The following VPS29 variants were observed in gnomAD, a reference collection of about 807,000 sequenced individuals.
The protein encoded by VPS29 is VPS29 retromer complex component, also known as vacuolar protein sorting-associated protein 29.
In VPS29, 2 loss-of-function variants were observed where a neutral mutation model predicts 20.0. The ratio of observed to expected loss-of-function variants is 0.10; its 90% CI spans 0.04 to 0.31. VPS29 has a LOEUF of 0.31. Ranked by LOEUF, VPS29 falls within the 10% of genes least tolerant of loss-of-function variation. VPS29 has a pLI of 1.00. For synonymous variants in VPS29, 81 were observed against 79.3 expected (o/e 1.02, Z -0.12); for missense variants, 120 against 215.3 (o/e 0.56, Z 2.77).
chr12:110,497,891 C>G (rs764140367), intron 1 of VPS29, among the ~76,000 whole-genome samples: 2 of 151,670 alleles, frequency 1.3e-5, no homozygotes, highest in Admixed American at 6.6e-5. Flanking sequence ...GCACTCCAGC[C>G]TGGGCAGCAG....
At chr12:110,501,845 G>T in intron 1 of VPS29, 2 of 1,328,758 alleles carry the variant, frequency 1.5e-6, no homozygotes, top group East Asian at 2.5e-5. Flanking sequence ...GCCGGGATAC[G>T]AGACCTAGGC....
intron 1 of VPS29, chr12:110,498,876 T>G: frequency 2.0e-6 from 2 of 976,856 alleles, no homozygotes; most frequent in South Asian, 9.5e-5. Flanking sequence ...TGGATTGAAG[T>G]ACATAGTTAG....
At position 110,491,394 on chromosome 12, in the gene VPS29, A is replaced by G. The variant is rs2062816050; in HGVS notation, c.*611T>C. The G allele has an allele frequency of 6.6e-6, 1 of 152,248 alleles. No individual in the cohort carries two copies. The highest frequency in any genetic ancestry group is 2.4e-5 in the African/African-American group (1 of 41,414). The allele number at this position is 152,248 out of a possible 1,614,324, so 9.4% of individuals were successfully genotyped here. Reference sequence around the variant, plus strand: ...GCCCGGCCCCTAAACTTGTATTTTTAAAACTTTTATTAAACCTTGAAAAAT... The same window carrying G: ...GCCCGGCCCCTAAACTTGTATTTTTGAAACTTTTATTAAACCTTGAAAAAT... On this transcript the variant is annotated 3_prime_UTR_variant, in exon 4 of 4. Transcript: ENST00000549578.
intron 2 of VPS29, among the ~76,000 whole-genome samples, chr12:110,493,593 C>A (rs1592991108): frequency 6.6e-6 from 1 of 152,116 alleles, no homozygotes; most frequent in East Asian, 1.9e-4. Flanking sequence ...AACTCCTAAC[C>A]TCAAATGATC....
intron 1 of VPS29, chr12:110,501,332 C>A: frequency 1.3e-6 from 2 of 1,516,322 alleles, no homozygotes; most frequent in Non-Finnish European, 8.8e-7. Flanking sequence ...GTCTCCAACA[C>A]CGGCACTCTC....
At position 110,491,844 on chromosome 12, in the gene VPS29, C is replaced by A. The variant is rs556739475; in HGVS notation, c.*161G>T. The stretch of plus-strand genomic sequence containing the variant: ...AAACTAAATATATTCTTATAGTTTA[C>A]AGGAAGCTTGGAGCAATTATGTATT... On this transcript the variant is annotated 3_prime_UTR_variant, in exon 4 of 4. Transcript: ENST00000549578. 1.5e-4 allele frequency: 88 copies of A among 605,498 alleles called. 1 individual carries two copies. In the South Asian group the frequency reaches 1.7e-3, roughly 12 times the overall value. 37.5% of individuals were successfully genotyped at this position (605,498 alleles called of 1,614,324 possible). A position where few individuals can be genotyped will look rare whatever the true frequency, so the allele number is the denominator to read the frequency against.
chr12:110,495,686 G>A (rs528097933), intron 2 of VPS29, among the ~76,000 whole-genome samples: 109 of 151,898 alleles, frequency 7.2e-4, no homozygotes, highest in Non-Finnish European at 1.3e-3. Flanking sequence ...CAGCCTGGGC[G>A]ACAGAGCAAG....
intron 1 of VPS29, chr12:110,499,375 T>A (rs1195457409): frequency 9.8e-7 from 1 of 1,020,106 alleles, no homozygotes; most frequent in Non-Finnish European, 1.4e-6. Flanking sequence ...CAAAAGATCC[T>A]GGAAATGGCA....
rs767852434 is a variant in VPS29, at chr12:110,501,799, C to T, written c.3+250G>A. The T allele has an allele frequency of 2.7e-6, 3 of 1,096,838 alleles. No homozygotes were observed. In the South Asian group the frequency reaches 4.0e-5, roughly 15 times the overall value. The allele number at this position is 1,096,838 out of a possible 1,614,324, so 67.9% of individuals were successfully genotyped here. A position where few individuals can be genotyped will look rare whatever the true frequency, so the allele number is the denominator to read the frequency against. ...GTGACAGGTCGGGCTGCTAGAGGGG[C>T]CTTTTTACCCCTTGGATGGCCTCTG... On this transcript the variant is annotated intron_variant, in intron 1 of 3. Transcript: ENST00000549578.
chr12:110,500,927 C>T (rs551717298), intron 1 of VPS29, among the ~76,000 whole-genome samples: 1 of 152,198 alleles, frequency 6.6e-6, no homozygotes, highest in East Asian at 1.9e-4. Flanking sequence ...CGCCTGTAAC[C>T]CCAGCACTTT....
chr12:110,494,123 A>C (rs769435922), intron 2 of VPS29, among the ~76,000 whole-genome samples: 3 of 152,090 alleles, frequency 2.0e-5, no homozygotes, highest in African/African-American at 7.2e-5. Context: ...AAATTTATCC[A>C]AACTCTTTTT....
chr12:110,494,802 C>T (rs1255903134), intron 2 of VPS29, among the ~76,000 whole-genome samples: 1 of 152,062 alleles, frequency 6.6e-6, no homozygotes, highest in Non-Finnish European at 1.5e-5. Context: ...TCACTGCTAG[C>T]TCCGCCTCCC....
At chr12:110,499,731 A>T (rs1213480194) in intron 1 of VPS29, among the ~76,000 whole-genome samples, 2 of 152,128 alleles carry the variant, frequency 1.3e-5, no homozygotes, top group Non-Finnish European at 2.9e-5. Flanking sequence ...GTTAAAAATC[A>T]GCTGTGCTCA....
intron 2 of VPS29, 37 bp from the exon 3 acceptor site, chr12:110,493,268 T>C: frequency 7.2e-7 from 1 of 1,379,700 alleles, no homozygotes; most frequent in South Asian, 1.7e-5. Flanking sequence ...ATATGTATTT[T>C]AGAGATACTG....
chr12:110,499,935 G>T (rs1300834958), intron 1 of VPS29, among the ~76,000 whole-genome samples: 1 of 152,098 alleles, frequency 6.6e-6, no homozygotes, highest in Non-Finnish European at 1.5e-5. Flanking sequence ...AAGACACTGT[G>T]GAAAATTTAT....
intron 1 of VPS29, among the ~76,000 whole-genome samples, chr12:110,500,930 A>G (rs1163270708): frequency 1.3e-5 from 2 of 152,200 alleles, no homozygotes; most frequent in East Asian, 3.8e-4. Context: ...CTGTAACCCC[A>G]GCACTTTGGG....
At chr12:110,501,531 G>C in intron 1 of VPS29, 1 of 1,535,434 alleles carries the variant, frequency 6.5e-7, no homozygotes, top group Admixed American at 2.0e-5. Context: ...GTTATTTCAG[G>C]AGCGAGGAGG....
At position 110,492,074 on chromosome 12, in the gene VPS29, C is replaced by G. The variant is rs1467068646; in HGVS notation, c.480G>C (p.Val160=). The G allele has an allele frequency of 6.2e-7, 1 of 1,613,760 alleles. No individual in the cohort carries two copies. The highest frequency in any genetic ancestry group is 8.5e-7 in the Non-Finnish European group (1 of 1,179,964). Residue 160 remains valine, a synonymous_variant, in exon 4 of 4, where the codon GTG becomes GTC. Coordinates refer to ENST00000549578, the MANE Select transcript of VPS29 (RefSeq NM_016226.5). ...CAATTAGCTGATACACATAGGTGAC[C>G]ACTGTAGAAGCCTGGATATCCATCA... ...FVLMDIQAST[V]VTYVYQLIGD...
chr12:110,496,814 T>C (rs966523741), intron 1 of VPS29: 3 of 152,230 alleles, frequency 2.0e-5, no homozygotes, highest in Non-Finnish European at 4.4e-5. Flanking sequence ...AATTTGATAT[T>C]TTTGTTACTT....
Sources: allele counts gnomAD v4.1 joint callset (sites outside exome capture counted in the v4.1 genomes callset), GRCh38; gene constraint gnomAD v4.1.1; transcripts MANE v1.5; gene names NCBI Gene and HGNC (gene_info 2026-07-23, HGNC 2026-07-21).